NAV2: variants seen among roughly 807,000 people sequenced by gnomAD.
NAV2 encodes the protein neuron navigator 2.
In NAV2, 54 loss-of-function variants were observed where a neutral mutation model predicts 223.2. The ratio of observed to expected loss-of-function variants is 0.24; its 90% CI spans 0.19 to 0.30. The LOEUF (loss-of-function observed/expected upper bound fraction) is 0.30, where lower values mean the gene tolerates loss of function less well. Ranked by LOEUF, NAV2 falls within the 10% of genes least tolerant of loss-of-function variation. The pLI is 1.00. For missense variants in NAV2, 2,806 were observed against 3,147.5 expected, an observed-to-expected ratio of 0.89 and a Z score of 2.60; for synonymous variants, 1,279 against 1,239.3, an observed-to-expected ratio of 1.03 and a Z score of -0.67.
intron 10 of NAV2, among the ~76,000 whole-genome samples, chr11:19,970,489 A>G (rs1325409209): frequency 6.6e-6 from 1 of 152,148 alleles, no homozygotes; most frequent in Non-Finnish European, 1.5e-5. Context: ...ATTGTTATTT[A>G]TTCTTTCTTC....
rs537595398 is a variant in NAV2 at position 19,374,334 on chromosome 11, A to T, written c.75+23307A>T. Among the ~76,000 whole-genome samples the T allele has an allele frequency of 5.0e-3, 630 of 126,678 alleles. 2 individuals are homozygous for T. The highest frequency in any genetic ancestry group is 0.015 in the African/African-American group (420 of 27,312). 83.1% of individuals were successfully genotyped at this position (126,678 alleles called of 152,430 possible). A position where few individuals can be genotyped will look rare whatever the true frequency, so the allele number is the denominator to read the frequency against. On this transcript the variant is annotated intron_variant, in intron 1 of 37. Transcript: ENST00000360655. ...GTTTTTTTTTTTTTTTTTTTTTTTT[A>T]AAATCAGCTATTAAATGACTCACCA...
At chr11:19,356,690 G>C (rs1169939590) in intron 1 of NAV2, among the ~76,000 whole-genome samples, 2 of 152,186 alleles carry the variant, frequency 1.3e-5, no homozygotes, top group Admixed American at 1.3e-4. Context: ...CAGCTGGGAT[G>C]GATGCTGGCT....
chr11:19,761,483 C>T (rs184628142), intron 1 of NAV2, among the ~76,000 whole-genome samples: 2 of 152,294 alleles, frequency 1.3e-5, no homozygotes, highest in African/African-American at 4.8e-5. Flanking sequence ...AGCATGAAAA[C>T]TGAACAATCC....
intron 1 of NAV2, among the ~76,000 whole-genome samples, chr11:19,746,697 T>C (rs1157390478): frequency 6.6e-6 from 1 of 152,124 alleles, no homozygotes; most frequent in Non-Finnish European, 1.5e-5. Flanking sequence ...TGCCCCCATG[T>C]TCTCTTTTTG....
chr11:19,484,717 G>A (rs564113730), intron 1 of NAV2, among the ~76,000 whole-genome samples: 16 of 152,282 alleles, frequency 1.1e-4, no homozygotes, highest in African/African-American at 2.6e-4. Flanking sequence ...CTCTCCACCC[G>A]ACATCCTCTC....
intron 1 of NAV2, among the ~76,000 whole-genome samples, chr11:19,483,838 C>T (rs2042355477): frequency 6.6e-6 from 1 of 152,090 alleles, no homozygotes; most frequent in Admixed American, 6.6e-5. Context: ...GACCACTGTT[C>T]TTGTCTTTCA....
At chr11:19,829,801 C>T (rs1053557557) in intron 1 of NAV2, among the ~76,000 whole-genome samples, 1 of 152,216 alleles carries the variant, frequency 6.6e-6, no homozygotes, top group African/African-American at 2.4e-5. Context: ...TGAGTCTTCA[C>T]ATCGACCTTC....
intron 1 of NAV2, 84 bp from the exon 2 acceptor site, chr11:19,832,400 A>T (rs2059994262): frequency 3.0e-6 from 3 of 994,878 alleles, no homozygotes; most frequent in Non-Finnish European, 3.2e-6. Flanking sequence ...GACAGTGGCC[A>T]CTGTGCCGGC....
At chr11:20,065,214 A>G (rs568924811) in intron 20 of NAV2, among the ~76,000 whole-genome samples, 173 of 152,176 alleles carry the variant, frequency 1.1e-3, no homozygotes, top group Non-Finnish European at 2.0e-3. Flanking sequence ...ACCTTTGTAA[A>G]TGTTAAGGTG....
At chr11:19,970,067 A>G (rs1244073902) in intron 10 of NAV2, among the ~76,000 whole-genome samples, 1 of 152,212 alleles carries the variant, frequency 6.6e-6, no homozygotes, top group African/African-American at 2.4e-5. Flanking sequence ...CTCTCAAAAT[A>G]TCTTATTGTA....
chr11:19,481,410 A>G (rs560934018), intron 1 of NAV2, among the ~76,000 whole-genome samples: 1 of 152,284 alleles, frequency 6.6e-6, no homozygotes, highest in Non-Finnish European at 1.5e-5. Flanking sequence ...AAAGCCCCTG[A>G]GCCTCATTTT....
At chr11:20,016,419 G>A (rs1565772329) in intron 11 of NAV2, among the ~76,000 whole-genome samples, 1 of 152,210 alleles carries the variant, frequency 6.6e-6, no homozygotes, top group Non-Finnish European at 1.5e-5. Context: ...GAAATCTTTT[G>A]TTTAGAGATT....
At chr11:19,886,081 C>T (rs2040945071) in intron 5 of NAV2, among the ~76,000 whole-genome samples, 1 of 152,062 alleles carries the variant, frequency 6.6e-6, no homozygotes, top group African/African-American at 2.4e-5. Context: ...GCCTTGATTT[C>T]CTGGGCTCAA....
chr11:19,530,860 C>T (rs184160969), intron 1 of NAV2, among the ~76,000 whole-genome samples: 19 of 152,270 alleles, frequency 1.2e-4, no homozygotes, highest in Non-Finnish European at 2.6e-4. Context: ...ATGAATCTGC[C>T]AAGTCCCACA....
intron 1 of NAV2, among the ~76,000 whole-genome samples, chr11:19,605,225 A>G (rs2046445122): frequency 2.6e-5 from 4 of 152,136 alleles, no homozygotes. Context: ...TTAGGAAAGA[A>G]AAAATACCCA....
chr11:20,091,112 T>G, intron 27 of NAV2, 94 bp downstream of exon 27: 2 of 1,347,702 alleles, frequency 1.5e-6, no homozygotes, highest in Non-Finnish European at 2.0e-6. Context: ...TGCATCAGAA[T>G]CTGGTGGCGG....
intron 11 of NAV2, chr11:20,023,166 G>A (rs1278381849): frequency 1.3e-6 from 2 of 1,547,218 alleles, no homozygotes; most frequent in Admixed American, 2.0e-5. Context: ...TGGGGCCAGG[G>A]GGTGGGTGTG....
chr11:19,390,672 G>T (rs1040519239), intron 1 of NAV2, among the ~76,000 whole-genome samples: 1 of 152,156 alleles, frequency 6.6e-6, no homozygotes, highest in Admixed American at 6.5e-5. Flanking sequence ...CCTGCTATGA[G>T]GAAAGTATAG....
At chr11:19,642,202 C>T (rs2047684920) in intron 1 of NAV2, among the ~76,000 whole-genome samples, 1 of 152,156 alleles carries the variant, frequency 6.6e-6, no homozygotes, top group Admixed American at 6.5e-5. Context: ...TCCCCATCTG[C>T]ACATACTCTT....
Sources: gnomAD v4.1 joint callset for allele counts (sites outside exome capture counted in the v4.1 genomes callset) on GRCh38, gnomAD v4.1.1 for gene constraint, MANE v1.5 for transcripts, NCBI Gene and HGNC (gene_info 2026-07-23, HGNC 2026-07-21) for gene names.